Variants in SGSH observed in about 807,000 individuals in gnomAD.
The protein encoded by SGSH is heparan sulfate sulfatase.
Under a neutral mutation model 51.0 loss-of-function variants are expected in SGSH, and 48 were observed. The ratio of observed to expected loss-of-function variants is 0.94; its 90% CI spans 0.75 to 1.20. The LOEUF (loss-of-function observed/expected upper bound fraction) is 1.20, where lower values mean the gene tolerates loss of function less well. SGSH is among the 50% of genes most tolerant of loss of function. The pLI is 0.00. For missense variants in SGSH, 662 were observed against 717.8 expected, an observed-to-expected ratio of 0.92 and a Z score of 0.89; for synonymous variants, 321 against 313.4, an observed-to-expected ratio of 1.02 and a Z score of -0.26.
chr17:80,207,095 C>T (rs368700533), downstream of SGSH: 636 of 1,600,466 alleles, frequency 4.0e-4, 3 homozygotes, highest in South Asian at 3.8e-3. Context: ...AGTAGGTGCA[C>T]GCTGGGGGCT....
At chr17:80,211,095 G>A (rs2041643257) in intron 7 of SGSH, 84 bp from the exon 8 acceptor site, 3 of 1,562,474 alleles carry the variant, frequency 1.9e-6, no homozygotes, top group Non-Finnish European at 2.6e-6. Flanking sequence ...ACGCCACTCT[G>A]GGCGGCTCCC....
Position 80,213,628 on chromosome 17 carries a change from G to T in SGSH, c.745+176C>A. On this transcript the variant is annotated intron_variant, in intron 6 of 7. Transcript: ENST00000326317. This position sits in a 1 kb window ranked among gnomAD's most constrained non-coding sequence, Gnocchi z 4.6. ...TCCACATCAGGGCAGCCCCGGGGTTGGGTCCTGATGCCACCCACAGGCCCC... is the reference window on the plus strand; with the variant it reads ...TCCACATCAGGGCAGCCCCGGGGTTTGGTCCTGATGCCACCCACAGGCCCC... The T allele has an allele frequency of 1.6e-6, 1 of 642,506 alleles. No individual in the cohort carries two copies. Among genetic ancestry groups the T allele is most frequent in the Non-Finnish European group, 2.7e-6 (1 of 364,632 alleles). 39.8% of individuals were successfully genotyped at this position (642,506 alleles called of 1,614,324 possible). A position where few individuals can be genotyped will look rare whatever the true frequency, so the allele number is the denominator to read the frequency against.
downstream of SGSH, chr17:80,207,151 G>A (rs2041368462): frequency 1.7e-6 from 2 of 1,165,270 alleles, no homozygotes; most frequent in East Asian, 2.4e-5. Context: ...AAAGCCCACG[G>A]CAGGTGCCTC....
At chr17:80,205,915 T>G (rs2041275075), downstream of SGSH, 1 of 360,492 alleles carries the variant, frequency 2.8e-6, no homozygotes, top group Non-Finnish European at 5.0e-6. Flanking sequence ...TGTTCGAGAA[T>G]GAATAAATCC....
chr17:80,214,537 A>G, intron 4 of SGSH, 78 bp downstream of exon 4: 3 of 1,488,606 alleles, frequency 2.0e-6, no homozygotes, highest in Non-Finnish European at 2.8e-6. Flanking sequence ...GTGGGGGCCC[A>G]TGCATCCCGC....
At chr17:80,201,947 G>A, downstream of SGSH, 1 of 1,502,856 alleles carries the variant, frequency 6.7e-7, no homozygotes, top group South Asian at 1.3e-5. This position sits in a 1 kb window ranked among gnomAD's most constrained non-coding sequence, Gnocchi z 5.0. Context: ...TGGTTCTTCT[G>A]CACGCCCAGC....
chr17:80,204,638 AAT>A, downstream of SGSH: 1 of 361,772 alleles, frequency 2.8e-6, no homozygotes. Context: ...AAAAAAAAAA[AAT>A]TTCAGGAGAG....
At chr17:80,208,582 T>C (rs139108944), downstream of SGSH, 5 of 460,772 alleles carry the variant, frequency 1.1e-5, no homozygotes, top group Admixed American at 8.2e-5. Flanking sequence ...AGGCTTGGCA[T>C]GGTCTGAACT....
At chr17:80,208,426 G>T, downstream of SGSH, 1 of 1,318,474 alleles carries the variant, frequency 7.6e-7, no homozygotes, top group African/African-American at 1.5e-5. Context: ...AGGCCCTCTT[G>T]GCACAGCTGT....
downstream of SGSH, among the ~76,000 whole-genome samples, chr17:80,207,277 G>A (rs551494911): frequency 1.8e-4 from 28 of 152,308 alleles, no homozygotes; most frequent in South Asian, 4.4e-3. Context: ...TTGGCCGGGC[G>A]TGGTGGCTCA....
At chr17:80,203,880 C>T (rs563350773), downstream of SGSH, 17 of 1,595,506 alleles carry the variant, frequency 1.1e-5, no homozygotes, top group South Asian at 5.7e-5. The surrounding 1 kb of genome is among the most constrained non-coding windows in gnomAD (Gnocchi z 4.6). Flanking sequence ...CACCGTGACC[C>T]GCAAGGTGAG....
At chr17:80,207,096 G>A (rs774791093), downstream of SGSH, 3 of 1,596,498 alleles carry the variant, frequency 1.9e-6, no homozygotes, top group Non-Finnish European at 2.6e-6. Flanking sequence ...GTAGGTGCAC[G>A]CTGGGGGCTG....
At chr17:80,203,460 T>G, downstream of SGSH, 1 of 215,646 alleles carries the variant, frequency 4.6e-6, no homozygotes, top group Non-Finnish European at 9.1e-6. The surrounding 1 kb of genome is among the most constrained non-coding windows in gnomAD (Gnocchi z 4.6). Context: ...GCACTCTGCA[T>G]TTCTAACAGC....
At chr17:80,206,913 C>G, downstream of SGSH, 3 of 1,363,138 alleles carry the variant, frequency 2.2e-6, no homozygotes, top group Non-Finnish European at 3.1e-6. Context: ...CGTTGGCTCC[C>G]TTTGCTTCCT....
rs761740352 is a variant in SGSH, at chr17:80,213,896, C to A, written c.664-11G>T. 1 of 1,600,248 alleles carries A rather than the reference C, an allele frequency of 6.2e-7. No homozygotes were observed. The highest frequency in any genetic ancestry group is 8.5e-7 in the Non-Finnish European group (1 of 1,177,146). ...GACGAAGTAAGGCACCTGGGGCAGGCGGTGGGGAGCCAGGCTTAGAACAGA... is the reference window on the plus strand; with the variant it reads ...GACGAAGTAAGGCACCTGGGGCAGGAGGTGGGGAGCCAGGCTTAGAACAGA... On this transcript the variant is annotated splice_polypyrimidine_tract_variant and intron_variant, in intron 5 of 7. Transcript: ENST00000326317. The surrounding 1 kb of genome is among the most constrained non-coding windows in gnomAD (Gnocchi z 4.6).
downstream of SGSH, chr17:80,208,498 C>G: frequency 1.6e-6 from 1 of 643,584 alleles, no homozygotes; most frequent in Non-Finnish European, 2.6e-6. Context: ...TGAACCCTCA[C>G]CACGTGCAGG....
downstream of SGSH, among the ~76,000 whole-genome samples, chr17:80,207,272 C>A (rs182802277): frequency 5.5e-4 from 83 of 152,284 alleles, 1 homozygote; most frequent in South Asian, 1.2e-3. Context: ...TGATTTTGGC[C>A]GGGCGTGGTG....
chr17:80,207,123 C>A (rs374562482), downstream of SGSH: 8 of 1,492,588 alleles, frequency 5.4e-6, no homozygotes, highest in Admixed American at 1.7e-5. Context: ...GGCTTCGAAG[C>A]GGCTCCTGGG....
Position 80,210,360 on chromosome 17 carries a change from T to G in SGSH, c.*92A>C, listed in dbSNP as rs1309565202. On this transcript the variant is annotated 3_prime_UTR_variant, in exon 8 of 8. Transcript: ENST00000326317. ...ATGGGAGTGTGGACGGAAGGGCTGT[T>G]GCCACTACTCCCCAGGCTGGCCGGC... 29 of 1,467,298 alleles carry G rather than the reference T, an allele frequency of 2.0e-5. No homozygotes were observed. In the East Asian group the frequency reaches 6.7e-4, roughly 34 times the overall value. The allele number at this position is 1,467,298 out of a possible 1,614,324, so 90.9% of individuals were successfully genotyped here.
Sources: gnomAD v4.1 joint callset for allele counts (sites outside exome capture counted in the v4.1 genomes callset) on GRCh38, gnomAD v4.1.1 for gene constraint, Gnocchi (gnomAD v3.1) non-coding constraint, MANE v1.5 for transcripts, NCBI Gene and HGNC (gene_info 2026-07-23, HGNC 2026-07-21) for gene names.